The following BRCC3 variants were observed in gnomAD, a reference collection of about 807,000 sequenced individuals.
BRCC3 encodes BRCA1/BRCA2-containing complex subunit 3.
In BRCC3, 15 loss-of-function variants were observed where a neutral mutation model predicts 28.0. The observed-to-expected ratio is 0.54, with a 90% confidence interval of 0.36 to 0.82. BRCC3 has a LOEUF of 0.82. BRCC3 is among the 40% of genes least tolerant of loss of function. BRCC3 has a pLI of 0.01. For synonymous variants in BRCC3, 66 were observed against 80.3 expected (o/e 0.82, Z 0.95); for missense variants, 109 against 225.9 (o/e 0.48, Z 3.32).
intron 5 of BRCC3, among the ~76,000 whole-genome samples, chrX:155,086,460 C>G (rs1206978174): frequency 1.8e-5 from 2 of 111,785 alleles, no homozygotes; most frequent in African/African-American, 6.5e-5. Flanking sequence ...AAGCGATTCT[C>G]CTGTCTTAGC....
chrX:155,079,966 A>AT (rs1285075308), intron 5 of BRCC3, among the ~76,000 whole-genome samples: 3 of 111,716 alleles, frequency 2.7e-5, no homozygotes, highest in African/African-American at 9.8e-5. Flanking sequence ...TACCATTCAT[A>AT]TAATAGTATT....
At chrX:155,118,693 C>T (rs1225953266) in intron 9 of BRCC3, among the ~76,000 whole-genome samples, 2 of 111,653 alleles carry the variant, frequency 1.8e-5, no homozygotes, top group Non-Finnish European at 3.8e-5. Context: ...CATGTGGCAA[C>T]AGAGGAAACG....
At chrX:155,074,363 C>G (rs2074012267) in intron 3 of BRCC3, among the ~76,000 whole-genome samples, 1 of 112,181 alleles carries the variant, frequency 8.9e-6, no homozygotes, top group African/African-American at 3.2e-5. Flanking sequence ...TTCACCTTCC[C>G]CAGTCAAACC....
intron 3 of BRCC3, among the ~76,000 whole-genome samples, chrX:155,075,288 T>TTGGCC (rs1451237073): frequency 1.8e-5 from 2 of 110,614 alleles, no homozygotes; most frequent in Non-Finnish European, 3.8e-5. Context: ...AAGCCCACTC[T>TTGGCC]TTCCCCTGGC....
At chrX:155,102,834 C>T (rs1218169979) in intron 7 of BRCC3, among the ~76,000 whole-genome samples, 1 of 112,056 alleles carries the variant, frequency 8.9e-6, no homozygotes. Flanking sequence ...CCTTTATAGA[C>T]TAATTAGCTG....
At chrX:155,077,003 G>C (rs2074049626) in intron 3 of BRCC3, among the ~76,000 whole-genome samples, 167 bp from the exon 4 acceptor site, 1 of 111,925 alleles carries the variant, frequency 8.9e-6, no homozygotes, top group South Asian at 3.7e-4. Flanking sequence ...TATATATTGA[G>C]GTTGGGTGTC....
intron 5 of BRCC3, among the ~76,000 whole-genome samples, chrX:155,085,300 T>G (rs1181330679): frequency 3.5e-5 from 4 of 112,850 alleles, no homozygotes; most frequent in African/African-American, 1.3e-4. Context: ...TTAGGAATGG[T>G]GCTGTGTAAT....
At chrX:155,091,417 A>G (rs1463604998) in intron 7 of BRCC3, among the ~76,000 whole-genome samples, 1 of 110,478 alleles carries the variant, frequency 9.1e-6, no homozygotes, top group African/African-American at 3.3e-5. Context: ...GACTACAGGC[A>G]TGTACCACCA....
In BRCC3 at chrX:155,090,711, G is replaced by A; in HGVS notation, c.493-73G>A. 3 of 789,539 alleles carry A rather than the reference G, an allele frequency of 3.8e-6. No individual in the cohort carries two copies. The South Asian group carries it at 6.9e-5, about 18-fold the overall frequency. 65.1% of individuals were successfully genotyped at this position (789,539 alleles called of 1,213,427 possible). On this transcript the variant is annotated intron_variant, in intron 6 of 10. Transcript: ENST00000330045. Reference sequence around the variant, plus strand: ...CTCTTTTAACATTCTGCTTCTAGAGGGACCTTTGGGGTCTTTTTCAATATT... The same window carrying A: ...CTCTTTTAACATTCTGCTTCTAGAGAGACCTTTGGGGTCTTTTTCAATATT...
chrX:155,095,588 A>G (rs1322030772), intron 7 of BRCC3, among the ~76,000 whole-genome samples: 1 of 112,062 alleles, frequency 8.9e-6, no homozygotes, highest in African/African-American at 3.3e-5. Context: ...GGCATGAGCC[A>G]CCGTGCCCAG....
intron 7 of BRCC3, among the ~76,000 whole-genome samples, chrX:155,098,166 T>C (rs1165948603): frequency 1.8e-5 from 2 of 112,315 alleles, no homozygotes; most frequent in Non-Finnish European, 3.8e-5. Flanking sequence ...TTATTTTCTG[T>C]CTTCCTAGTT....
intron 5 of BRCC3, 24 bp downstream of exon 5, chrX:155,078,727 T>A (rs782379215): frequency 4.7e-6 from 5 of 1,057,513 alleles, no homozygotes; most frequent in Non-Finnish European, 5.2e-6. Context: ...GGTTGCAATG[T>A]TTATTGTTTT....
intron 3 of BRCC3, among the ~76,000 whole-genome samples, chrX:155,074,633 A>G (rs1343152486): frequency 4.5e-5 from 5 of 112,307 alleles, no homozygotes; most frequent in African/African-American, 1.3e-4. Context: ...CACCCTGGGC[A>G]TCAGTTACTA....
chrX:155,094,359 A>C (rs1252897505), intron 7 of BRCC3, among the ~76,000 whole-genome samples: 1 of 110,461 alleles, frequency 9.1e-6, no homozygotes, highest in African/African-American at 3.3e-5. Flanking sequence ...CTGTTACTGC[A>C]AATGATAATG....
At chrX:155,073,666 C>T (rs974861212) in intron 3 of BRCC3, among the ~76,000 whole-genome samples, 1 of 111,868 alleles carries the variant, frequency 8.9e-6, no homozygotes, top group Admixed American at 9.5e-5. Flanking sequence ...TTGCTGCTCT[C>T]CTTGCTGTCA....
At chrX:155,116,321 T>C in intron 8 of BRCC3, 133 bp downstream of exon 8, 1 of 540,661 alleles carries the variant, frequency 1.8e-6, no homozygotes. Flanking sequence ...TTTCTAGCAG[T>C]CTCCAATCAT....
intron 7 of BRCC3, among the ~76,000 whole-genome samples, chrX:155,103,792 T>G (rs1390946970): frequency 1.8e-5 from 2 of 111,013 alleles, no homozygotes; most frequent in Non-Finnish European, 3.8e-5. Flanking sequence ...ATTTGGCCAC[T>G]TAATGTTACC....
chrX:155,116,983 A>G (rs1557298895), intron 9 of BRCC3, among the ~76,000 whole-genome samples: 1 of 112,080 alleles, frequency 8.9e-6, no homozygotes, highest in Non-Finnish European at 1.9e-5. Context: ...AAGACAGGAA[A>G]GAGCTTTATG....
At chrX:155,073,112 T>C (rs957354565) in intron 2 of BRCC3, among the ~76,000 whole-genome samples, 1 of 111,625 alleles carries the variant, frequency 9.0e-6, no homozygotes, top group Non-Finnish European at 1.9e-5. Context: ...CATAGTATAC[T>C]TCTCAAGCCC....
Sources: allele counts gnomAD v4.1 joint callset (sites outside exome capture counted in the v4.1 genomes callset), GRCh38; gene constraint gnomAD v4.1.1; transcripts MANE v1.5; gene names NCBI Gene and HGNC (gene_info 2026-07-23, HGNC 2026-07-21).